AP1G1: variants seen among roughly 807,000 people sequenced by gnomAD.
AP1G1 encodes AP-1 complex subunit gamma-1.
AP1G1 carries 7 observed loss-of-function variants against 108.3 expected under a neutral mutation model. The observed-to-expected ratio is 0.06, with a 90% CI of 0.04 to 0.12. The LOEUF is 0.12. Ranked by LOEUF, AP1G1 falls within the 10% of genes least tolerant of loss-of-function variation. AP1G1 has a pLI of 1.00. For missense variants in AP1G1, 756 were observed against 1,010.7 expected (o/e 0.75, Z 3.42); for synonymous variants, 379 against 353.5 (o/e 1.07, Z -0.81).
chr16:71,790,359 G>A (rs1290647433), intron 1 of AP1G1, among the ~76,000 whole-genome samples: 2 of 151,994 alleles, frequency 1.3e-5, no homozygotes, highest in East Asian at 3.9e-4. Flanking sequence ...TGACCAACAT[G>A]GAGAAACCCC....
chr16:71,731,383 A>T lies in AP1G1; in HGVS notation c.*1675T>A, dbSNP rs2045473353. 1 of 152,682 alleles carries T rather than the reference A, an allele frequency of 6.5e-6. No individual in the cohort carries two copies. 9.5% of individuals were successfully genotyped at this position (152,682 alleles called of 1,614,324 possible). A position where few individuals can be genotyped will look rare whatever the true frequency, so the allele number is the denominator to read the frequency against. On this transcript the variant is annotated 3_prime_UTR_variant, in exon 23 of 23. Transcript: ENST00000299980. ...ATCTGATACAGAGCTAGATTTGACA[A>T]GACACTGAAGATTTTAAGTAAAGGC... is the stretch of plus-strand genomic sequence containing the variant.
At chr16:71,805,874 A>T (rs1295788283) in intron 1 of AP1G1, among the ~76,000 whole-genome samples, 2 of 152,142 alleles carry the variant, frequency 1.3e-5, no homozygotes, top group Non-Finnish European at 2.9e-5. Context: ...TACAAAAATT[A>T]GCCCTGCGTG....
chr16:71,807,606 T>C (rs1413785775), intron 1 of AP1G1, among the ~76,000 whole-genome samples: 1 of 152,182 alleles, frequency 6.6e-6, no homozygotes, highest in Non-Finnish European at 1.5e-5. Flanking sequence ...TAGGGAACGG[T>C]GGAAGTGAAT....
At chr16:71,769,389 G>A (rs746659241) in intron 6 of AP1G1, 17 of 471,940 alleles carry the variant, frequency 3.6e-5, no homozygotes, top group Non-Finnish European at 5.9e-5. Flanking sequence ...AGATTGGTGT[G>A]TCTGCCAACA....
chr16:71,784,822 G>C (rs1019475090), intron 2 of AP1G1, among the ~76,000 whole-genome samples: 2 of 151,522 alleles, frequency 1.3e-5, no homozygotes, highest in Admixed American at 6.6e-5. Context: ...GCCTCCCAAA[G>C]TGCCAGGATT....
chr16:71,804,408 A>AT lies in AP1G1; in HGVS notation c.-4+4354dup, dbSNP rs71153664. Among the ~76,000 whole-genome samples the AT allele has an allele frequency of 4.8e-3, 598 of 124,756 alleles. 9 individuals carry two copies. Among genetic ancestry groups the AT allele is most frequent in the African/African-American group, 8.3e-3 (272 of 32,686 alleles). 81.8% of individuals were successfully genotyped at this position (124,756 alleles called of 152,430 possible). ...CAAAAGATTTCTATATGCTCTCTTAATTTTTTTTTTTTTTTTTTGAGACAG... is the reference window on the plus strand; with the variant it reads ...CAAAAGATTTCTATATGCTCTCTTAATTTTTTTTTTTTTTTTTTTGAGACAG... On this transcript the variant is annotated intron_variant, in intron 1 of 22. Transcript: ENST00000299980.
chr16:71,744,991 A>G (rs1431534498), intron 19 of AP1G1, among the ~76,000 whole-genome samples, 153 bp downstream of exon 19: 1 of 152,224 alleles, frequency 6.6e-6, no homozygotes, highest in Admixed American at 6.5e-5. Context: ...TATACAACAT[A>G]TAACCCGGAT....
Position 71,729,093 on chromosome 16 carries a change from T to C in AP1G1, c.*3965A>G, listed in dbSNP as rs1226842627. The C allele has an allele frequency of 6.6e-6, 1 of 152,654 alleles. No individual in the cohort carries two copies. Among genetic ancestry groups the C allele is most frequent in the African/African-American group, 2.4e-5 (1 of 41,462 alleles). The allele number at this position is 152,654 out of a possible 1,614,324, so 9.5% of individuals were successfully genotyped here. A position where few individuals can be genotyped will look rare whatever the true frequency, so the allele number is the denominator to read the frequency against. ...GTACACACAGCAGAATTCTAATGCA[T>C]CCCATGTAAATGTTTACATCCATTT... On this transcript the variant is annotated 3_prime_UTR_variant, in exon 23 of 23. Transcript: ENST00000299980.
chr16:71,788,640 A>G (rs1243875125), intron 2 of AP1G1, among the ~76,000 whole-genome samples: 3 of 140,794 alleles, frequency 2.1e-5, no homozygotes, highest in African/African-American at 8.0e-5. Flanking sequence ...AAAGCAATTA[A>G]GAAGACATTT....
At chr16:71,791,457 CA>C (rs1313055397) in intron 1 of AP1G1, among the ~76,000 whole-genome samples, 3 of 152,066 alleles carry the variant, frequency 2.0e-5, no homozygotes, top group African/African-American at 7.2e-5. Flanking sequence ...ACTCAAGTAA[CA>C]AAACATTACT....
At chr16:71,749,350 G>C (rs1209096585) in intron 15 of AP1G1, among the ~76,000 whole-genome samples, 2 of 151,906 alleles carry the variant, frequency 1.3e-5, no homozygotes, top group Non-Finnish European at 2.9e-5. Context: ...AGCCAGGGTG[G>C]TGCCTGCCTA....
intron 13 of AP1G1, among the ~76,000 whole-genome samples, chr16:71,752,718 T>G (rs911217959): frequency 6.6e-6 from 1 of 152,188 alleles, no homozygotes; most frequent in Non-Finnish European, 1.5e-5. Flanking sequence ...CCAAACTGCA[T>G]AGTAAAAAGA....
At chr16:71,782,818 C>T (rs554863340) in intron 2 of AP1G1, among the ~76,000 whole-genome samples, 1 of 152,210 alleles carries the variant, frequency 6.6e-6, no homozygotes, top group South Asian at 2.1e-4. Flanking sequence ...CAAATTATCT[C>T]TTTTGGGGGT....
intron 19 of AP1G1, chr16:71,742,261 T>C (rs1220628532): frequency 6.6e-6 from 1 of 152,028 alleles, no homozygotes; most frequent in Non-Finnish European, 1.5e-5. Context: ...AATACAAATA[T>C]GTGAATAAAT....
At chr16:71,768,826 G>A (rs182788118) in intron 6 of AP1G1, among the ~76,000 whole-genome samples, 18 of 145,026 alleles carry the variant, frequency 1.2e-4, no homozygotes, top group African/African-American at 4.4e-4. Context: ...GAGGCAGCAG[G>A]AGAATGGCAT....
At chr16:71,750,123 A>T in intron 14 of AP1G1, 87 bp downstream of exon 14, 1 of 1,531,450 alleles carries the variant, frequency 6.5e-7, no homozygotes, top group Non-Finnish European at 9.0e-7. Flanking sequence ...CAAAGGGGAG[A>T]GAGGAGGGGG....
intron 3 of AP1G1, among the ~76,000 whole-genome samples, 197 bp from the exon 4 acceptor site, chr16:71,773,559 C>T (rs1158444879): frequency 1.3e-5 from 2 of 152,154 alleles, no homozygotes; most frequent in Non-Finnish European, 2.9e-5. Flanking sequence ...CTCCTATAGG[C>T]TTACAAGCCA....
At chr16:71,740,296 G>A (rs1367373556) in intron 19 of AP1G1, among the ~76,000 whole-genome samples, 3 of 152,082 alleles carry the variant, frequency 2.0e-5, no homozygotes, top group South Asian at 2.1e-4. Flanking sequence ...TGCATTAGAC[G>A]GTAGCATCCT....
chr16:71,806,538 C>G, intron 1 of AP1G1: 1 of 390,528 alleles, frequency 2.6e-6, no homozygotes, highest in Non-Finnish European at 4.3e-6. Context: ...ACTGAGCGCC[C>G]GCCTGAATGA....
Sources: allele counts gnomAD v4.1 joint callset (sites outside exome capture counted in the v4.1 genomes callset), GRCh38; gene constraint gnomAD v4.1.1; transcripts MANE v1.5; gene names NCBI Gene and HGNC (gene_info 2026-07-23, HGNC 2026-07-21).